The following OBSL1 variants were observed in gnomAD, a reference collection of about 807,000 sequenced individuals.
OBSL1 encodes obscurin like cytoskeletal adaptor 1, also known as obscurin-like protein 1.
In OBSL1, 160 loss-of-function variants were observed where a neutral mutation model predicts 172.0. The ratio of observed to expected loss-of-function variants is 0.93; its 90% CI spans 0.82 to 1.06. The LOEUF (loss-of-function observed/expected upper bound fraction) is 1.06. OBSL1 is among the 50% of genes least tolerant of loss of function. The pLI is 0.00. For synonymous variants in OBSL1, 1,200 were observed against 1,196.3 expected, an observed-to-expected ratio of 1.00 and a Z score of -0.06; for missense variants, 2,681 against 2,715.4, an observed-to-expected ratio of 0.99 and a Z score of 0.28.
In OBSL1 at chr2:219,554,666, C is replaced by G; in HGVS notation, c.4684G>C (p.Glu1562Gln). 1 of 1,602,724 alleles carries G rather than the reference C, an allele frequency of 6.2e-7. No individual in the cohort carries two copies. Reference protein sequence around the residue: ...SEGGSATFQLELSQEGVTGEW... With the variant: ...SEGGSATFQLQLSQEGVTGEW... ...CCGGTCACACCTTCCTGGGACAGCT[C>G]CAGCTGGAAGGTGGCACTGCCCCCC... Residue 1562 changes from glutamate to glutamine, a missense_variant, in exon 15 of 21, where the codon GAG (glutamate) becomes CAG (glutamine). This residue lies in a region of OBSL1 where 1,765 missense variants were observed against 1,748.3 expected (regional missense o/e 1.01). Transcript: ENST00000404537.
intron 14 of OBSL1, chr2:219,555,050 A>G: frequency 2.5e-6 from 1 of 401,450 alleles, no homozygotes. Flanking sequence ...ACACACTAGG[A>G]ATGGAACCTC....
chr2:219,563,548 A>C lies in OBSL1; in HGVS notation c.2487T>G (p.Cys829Trp). 6.2e-7 allele frequency: 1 copy of C among 1,612,902 alleles called. No homozygotes were observed. The highest frequency in any genetic ancestry group is 8.5e-7 in the Non-Finnish European group (1 of 1,179,786). ...AITSECVMLACEVDREDAPVR... is the reference protein window; with the variant it reads ...AITSECVMLAWEVDREDAPVR... ...CAGGGGCGTCCTCTCGGTCCACCTCACAGGCCAGCATGACACACTCGGAAG... is the reference window on the plus strand; with the variant it reads ...CAGGGGCGTCCTCTCGGTCCACCTCCCAGGCCAGCATGACACACTCGGAAG... Residue 829 changes from cysteine (C) to tryptophan (W), a missense_variant, in exon 7 of 21, where the codon TGT becomes TGG. By Grantham distance (215) the Cys-to-Trp change is radical. Transcript: ENST00000404537.
At position 219,567,726 on chromosome 2, in the gene OBSL1, C is replaced by T; in HGVS notation, c.1526G>A (p.Arg509Lys). 1.2e-6 allele frequency: 2 copies of T among 1,607,692 alleles called. No individual in the cohort carries two copies. Among genetic ancestry groups the T allele is most frequent in the African/African-American group, 1.3e-5 (1 of 74,936 alleles). Residue 509 changes from arginine to lysine, a missense_variant, in exon 3 of 21, where the codon AGA (arginine) becomes AAA (lysine). Coordinates refer to ENST00000404537, the MANE Select transcript of OBSL1 (RefSeq NM_015311.3). ...LGNSRTTTLL[R>K]VKCVKHSPPG... The stretch of plus-strand genomic sequence containing the variant: ...GGCCTTCCTGCCCTCACATTTTACT[C>T]TGAGAAGCGTAGTGGTACGGGAGTT...
At chr2:219,557,649 G>T in intron 11 of OBSL1, 31 bp from the exon 12 acceptor site, 2 of 1,513,630 alleles carry the variant, frequency 1.3e-6, no homozygotes, top group East Asian at 2.4e-5. Context: ...GTCACTGGGA[G>T]GGAGAGGCTC....
chr2:219,565,767 C>T (rs1696843352), intron 5 of OBSL1, among the ~76,000 whole-genome samples: 1 of 152,166 alleles, frequency 6.6e-6, no homozygotes, highest in Admixed American at 6.5e-5. Flanking sequence ...CCAGGTGGTT[C>T]TGATGTCAGT....
Position 219,570,690 on chromosome 2 carries a change from C to G in OBSL1, c.543G>C (p.Pro181=), listed in dbSNP as rs1311309619. 14 of 1,509,006 alleles carry G rather than the reference C, an allele frequency of 9.3e-6. No individual in the cohort carries two copies. Among genetic ancestry groups the G allele is most frequent in the Admixed American group, 6.2e-5 (3 of 48,082 alleles). The allele number at this position is 1,509,006 out of a possible 1,614,324, so 93.5% of individuals were successfully genotyped here. Residue 181 remains proline (P), a synonymous_variant, in exon 1 of 21, where the codon CCG becomes CCC. Coordinates refer to ENST00000404537, the MANE Select transcript of OBSL1 (RefSeq NM_015311.3). ...CGCCGGGGCCGTCCTCGGCGCGGCC[C>G]GGCTGGAGCGCGAAGTGGCTGCTGT... ...VWDSSHFALQ[P]GRAEDGPGAS... is the part of the protein sequence containing the mutation.
chr2:219,551,012 TA>T (rs2106002562), intron 20 of OBSL1, 170 bp from the exon 21 acceptor site: 1 of 1,486,404 alleles, frequency 6.7e-7, no homozygotes, highest in South Asian at 1.3e-5. Flanking sequence ...GGGGGTCAGC[TA>T]GGGGTGGGGC....
At chr2:219,550,615 G>A (rs1695549553), downstream of OBSL1, 5 of 578,612 alleles carry the variant, frequency 8.6e-6, no homozygotes, top group African/African-American at 5.6e-5. Flanking sequence ...TTGGTGGCTG[G>A]CACTTTCATG....
Position 219,571,253 on chromosome 2 carries a change from A to C in OBSL1, c.-21T>G. ...TTCATCGCGGCGGCCGACCGCCTGC[A>C]GCGGCGAACGGTGGGGGGGCAGGGG... On this transcript the variant is annotated 5_prime_UTR_variant, in exon 1 of 21. Transcript: ENST00000404537. 5 of 1,153,836 alleles carry C rather than the reference A, an allele frequency of 4.3e-6. No individual in the cohort carries two copies. Among genetic ancestry groups the C allele is most frequent in the Non-Finnish European group, 3.3e-6 (3 of 913,824 alleles). 71.5% of individuals were successfully genotyped at this position (1,153,836 alleles called of 1,614,324 possible). A position where few individuals can be genotyped will look rare whatever the true frequency, so the allele number is the denominator to read the frequency against.
chr2:219,566,780 C>G, intron 5 of OBSL1, 50 bp downstream of exon 5: 1 of 1,502,742 alleles, frequency 6.7e-7, no homozygotes, highest in Non-Finnish European at 8.9e-7. Context: ...GCCAACAGGA[C>G]TTCTGTGTCT....
At chr2:219,567,247 G>A in intron 4 of OBSL1, 26 bp downstream of exon 4, 1 of 1,572,974 alleles carries the variant, frequency 6.4e-7, no homozygotes, top group Non-Finnish European at 8.7e-7. Flanking sequence ...GAGAAGTGAT[G>A]GGTGGGTCTG....
In OBSL1 at chr2:219,558,437, G is replaced by T; in HGVS notation, c.3249C>A (p.His1083Gln). 1 of 1,588,438 alleles carries T rather than the reference G, an allele frequency of 6.3e-7. No homozygotes were observed. Among genetic ancestry groups the T allele is most frequent in the Non-Finnish European group, 8.6e-7 (1 of 1,169,504 alleles). ...TVTAPPERIV[H>Q]PAARSLDLHF... ...GCAGATCCAGGGAGCGGGCTGCCGG[G>T]TGCACAATCCTCTCTGGTGGGGCTG... Residue 1083 changes from histidine (H) to glutamine (Q), a missense_variant, in exon 10 of 21, where the codon CAC (histidine) becomes CAA (glutamine). Coordinates refer to ENST00000404537, the MANE Select transcript of OBSL1 (RefSeq NM_015311.3).
rs1696099741 is a variant in OBSL1 at position 219,557,400 on chromosome 2, C to T, written c.4009G>A (p.Gly1337Arg). ...RVQGARSGDA[G>R]EYLCDAPQDS... ...TGGGGCGCATCGCACAGGTACTCCCCAGCGTCCCCGCTCCGTGCCCCCTGC... is the reference window on the plus strand; with the variant it reads ...TGGGGCGCATCGCACAGGTACTCCCTAGCGTCCCCGCTCCGTGCCCCCTGC... The change falls in exon 12 of 21, where the codon GGG becomes AGG. Residue 1337 changes from glycine (G) to arginine (R), a missense_variant. By Grantham distance (125) the Gly-to-Arg change is moderately radical. Coordinates refer to ENST00000404537, the MANE Select transcript of OBSL1 (RefSeq NM_015311.3). 2 of 1,545,536 alleles carry T rather than the reference C, an allele frequency of 1.3e-6. No individual in the cohort carries two copies. The highest frequency in any genetic ancestry group is 1.4e-5 in the African/African-American group (1 of 73,206).
In OBSL1 at chr2:219,557,610, CA is replaced by C. The variant is rs766559629; in HGVS notation, c.3798del (p.Val1267CysfsTer4). ...GCTGCCTCGGGAGCTACCACCCGCA[CA>C]GGGGGCTCTGTGGAGTCAGAGCTGG... ...LSFTVQVAEP[P>X]VRVVAPEAAQ... On this transcript the variant is annotated frameshift_variant, in exon 12 of 21. Transcript: ENST00000404537. LOFTEE classifies it high-confidence loss of function. 1.6e-5 allele frequency: 24 copies of C among 1,540,062 alleles called. No individual in the cohort carries two copies. The African/African-American group carries it at 2.3e-4, about 15-fold the overall frequency.
chr2:219,553,082 G>GCCCTGGCGGCTCGCCCCGA, intron 16 of OBSL1, 58 bp from the exon 17 acceptor site: 1 of 1,409,388 alleles, frequency 7.1e-7, no homozygotes, highest in Admixed American at 3.3e-5. Flanking sequence ...GGCGACCCCG[G>GCCCTGGCGGCTCGCCCCGA]CCCTGGCAGG....
intron 7 of OBSL1, 63 bp downstream of exon 7, chr2:219,563,292 A>G (rs1696632304): frequency 6.9e-7 from 1 of 1,451,252 alleles, no homozygotes; most frequent in African/African-American, 1.4e-5. Flanking sequence ...AAGGTGTGGC[A>G]GCTGTTCCAG....
intron 19 of OBSL1, 88 bp downstream of exon 19, chr2:219,552,024 C>T (rs539676564): frequency 1.5e-6 from 2 of 1,319,432 alleles, no homozygotes; most frequent in African/African-American, 1.5e-5. Context: ...AGAGAGGCAG[C>T]GTTCTTGGGG....
chr2:219,562,471 G>C lies in OBSL1; in HGVS notation c.2884C>G (p.Leu962Val), dbSNP rs1696551813. ...VRRLVLPAVQ[L>V]EDSGEYLCEI... is the part of the protein sequence containing the mutation. Reference sequence around the variant, plus strand: ...CACAAGTACTCGCCGGAGTCCTCGAGCTGGACAGCGGGCAGCACCAGGCGG... The same window carrying C: ...CACAAGTACTCGCCGGAGTCCTCGACCTGGACAGCGGGCAGCACCAGGCGG... Residue 962 changes from leucine to valine, a missense_variant, in exon 8 of 21, where the codon CTC becomes GTC. By Grantham distance (32) the Leu-to-Val change is conservative (BLOSUM62 1). Around this residue, in one of 5 missense-constraint regions of OBSL1, gnomAD observed 1,765 missense variants for 1,748.3 expected, o/e 1.01. Coordinates refer to ENST00000404537, the MANE Select transcript of OBSL1 (RefSeq NM_015311.3). The C allele has an allele frequency of 6.2e-7, 1 of 1,614,026 alleles. No homozygotes were observed.
At position 219,552,974 on chromosome 2, in the gene OBSL1, G is replaced by A. The variant is rs564031741; in HGVS notation, c.5040C>T (p.Gly1680=). ...GTCGCAGCTGGAGAAGGCGGCGCGT[G>A]CCGAGGGCCTGGAGCCGGAGCCGCG... The part of the protein sequence containing the change: ...PSPRLRLQAL[G]TRRLLQLRRC... Residue 1680 remains glycine, a synonymous_variant, in exon 17 of 21, where the codon GGC becomes GGT. Coordinates refer to ENST00000404537, the MANE Select transcript of OBSL1 (RefSeq NM_015311.3). 2.0e-6 allele frequency: 3 copies of A among 1,531,376 alleles called. No individual in the cohort carries two copies. Among genetic ancestry groups the A allele is most frequent in the Middle Eastern group, 3.9e-4 (2 of 5,140 alleles). 94.9% of individuals were successfully genotyped at this position (1,531,376 alleles called of 1,614,324 possible).
Sources: allele counts gnomAD v4.1 joint callset (sites outside exome capture counted in the v4.1 genomes callset), GRCh38; gene constraint gnomAD v4.1.1; regional missense constraint gnomAD v4.1.1; transcripts MANE v1.5; gene names NCBI Gene and HGNC (gene_info 2026-07-23, HGNC 2026-07-21).